Variants in LRRC37A observed in about 807,000 individuals in gnomAD.
The protein encoded by LRRC37A is leucine-rich repeat-containing protein 37A.
A neutral mutation model predicts 35.4 loss-of-function variants in LRRC37A; 3 were observed. The ratio of observed to expected loss-of-function variants is 0.08; its 90% CI spans 0.04 to 0.22. The LOEUF (loss-of-function observed/expected upper bound fraction) is 0.22. LRRC37A is among the 10% of genes least tolerant of loss of function. The pLI, the probability that LRRC37A is intolerant of heterozygous loss-of-function variation, is 1.00. For missense variants in LRRC37A, 67 were observed against 565.3 expected (o/e 0.12, Z 8.94); for synonymous variants, 23 against 215.0 (o/e 0.11, Z 7.81).
At chr17:46,278,146 C>G in the LRRC37A span, among the ~76,000 whole-genome samples, 2 of 152,222 alleles carry the variant, frequency 1.3e-5, no homozygotes, top group East Asian at 3.9e-4. Flanking sequence ...GGGGTTTCAC[C>G]ATGTTGGCCA....
chr17:46,281,993 C>T, the LRRC37A span, among the ~76,000 whole-genome samples: 2 of 152,058 alleles, frequency 1.3e-5, no homozygotes, highest in African/African-American at 2.4e-5. Flanking sequence ...AACCTGCTGC[C>T]TACTTTTCTT....
At chr17:46,267,460 C>T in the LRRC37A span, 1 of 1,612,922 alleles carries the variant, frequency 6.2e-7, no homozygotes. Flanking sequence ...TCTTCCGAGT[C>T]CACATGTTAG....
At chr17:46,278,406 T>A in the LRRC37A span, among the ~76,000 whole-genome samples, 1 of 140,608 alleles carries the variant, frequency 7.1e-6, no homozygotes, top group Non-Finnish European at 1.6e-5. Context: ...ATTTTGTTTT[T>A]TTTTTGTTGT....
At chr17:46,254,666 G>A in the LRRC37A span, among the ~76,000 whole-genome samples, 11 of 149,222 alleles carry the variant, frequency 7.4e-5, no homozygotes, top group African/African-American at 1.5e-4. Flanking sequence ...CTCAGCCTCC[G>A]GAGTAGCTGG....
intron 10 of LRRC37A, among the ~76,000 whole-genome samples, chr17:46,333,096 T>C (rs1344299813): frequency 8.1e-6 from 1 of 123,582 alleles, no homozygotes. Context: ...ACGTATTGTC[T>C]TGTAGACTTA....
the LRRC37A span, chr17:46,268,565 G>T: frequency 1.3e-6 from 2 of 1,521,464 alleles, no homozygotes; most frequent in African/African-American, 1.4e-5. Flanking sequence ...CTACAGCTCT[G>T]CTCCAGGTCC....
chr17:46,284,971 C>T, the LRRC37A span, among the ~76,000 whole-genome samples: 1 of 152,148 alleles, frequency 6.6e-6, no homozygotes. Context: ...TCAAGTGATC[C>T]TCTCACCTCA....
chr17:46,285,798 A>C, the LRRC37A span, among the ~76,000 whole-genome samples: 5 of 152,240 alleles, frequency 3.3e-5, no homozygotes, highest in Non-Finnish European at 5.9e-5. Flanking sequence ...TAAGATTGGA[A>C]ACTTGAAATC....
At chr17:46,281,223 G>A in the LRRC37A span, among the ~76,000 whole-genome samples, 1 of 151,970 alleles carries the variant, frequency 6.6e-6, no homozygotes, top group Non-Finnish European at 1.5e-5. Context: ...CTGACCCCTT[G>A]CTCCCCCCAC....
the LRRC37A span, among the ~76,000 whole-genome samples, chr17:46,258,859 C>T: frequency 2.0e-5 from 3 of 151,072 alleles, no homozygotes; most frequent in African/African-American, 7.3e-5. Flanking sequence ...AGACTACAGG[C>T]GCCTGCCACC....
intron 9 of LRRC37A, 90 bp from the exon 10 acceptor site, chr17:46,332,459 TAAA>T (rs1318003987): frequency 8.0e-6 from 4 of 500,664 alleles, no homozygotes; most frequent in Non-Finnish European, 1.4e-5. Context: ...TTCAAAAAAA[TAAA>T]AAAGAACCTG....
At chr17:46,290,284 CA>C (rs1486887540), upstream of LRRC37A, among the ~76,000 whole-genome samples, 3 of 152,092 alleles carry the variant, frequency 2.0e-5, no homozygotes, top group Non-Finnish European at 4.4e-5. Flanking sequence ...GTGTGCATCA[CA>C]ACACCCAGCA....
chr17:46,333,258 G>T (rs2052120175), intron 10 of LRRC37A, among the ~76,000 whole-genome samples: 1 of 61,938 alleles, frequency 1.6e-5, no homozygotes, highest in Non-Finnish European at 6.9e-5. Flanking sequence ...TAGCCCTCCT[G>T]AGCCTATACC....
chr17:46,255,252 A>AGCC, the LRRC37A span, among the ~76,000 whole-genome samples: 2 of 152,036 alleles, frequency 1.3e-5, no homozygotes, highest in African/African-American at 4.8e-5. Flanking sequence ...TACAAGCATG[A>AGCC]GCCACCTTGC....
upstream of LRRC37A, among the ~76,000 whole-genome samples, chr17:46,290,307 G>C (rs1368243671): frequency 1.3e-5 from 2 of 151,998 alleles, no homozygotes; most frequent in East Asian, 3.9e-4. Context: ...ATTCCTTTTT[G>C]TAGAAACAGG....
the LRRC37A span, among the ~76,000 whole-genome samples, chr17:46,265,295 TTCTTCTTCTTCTTCTTCTTCC>T: frequency 1.1e-5 from 1 of 94,220 alleles, no homozygotes; most frequent in Non-Finnish European, 2.7e-5. Flanking sequence ...CTTCTTCTTC[TTCTTCTTCTTCTTCTTCTTCC>T]TCTTCTTCTT....
chr17:46,280,479 A>G, the LRRC37A span, among the ~76,000 whole-genome samples: 2 of 152,146 alleles, frequency 1.3e-5, no homozygotes, highest in Admixed American at 6.5e-5. Context: ...GTTCAAGACT[A>G]GCTTGGGTCA....
At chr17:46,278,409 T>TG in the LRRC37A span, among the ~76,000 whole-genome samples, 2 of 104,866 alleles carry the variant, frequency 1.9e-5, no homozygotes, top group Non-Finnish European at 5.0e-5. Context: ...TTGTTTTTTT[T>TG]TTGTTGTTGT....
the LRRC37A span, chr17:46,260,624 T>TC: frequency 1.1e-6 from 1 of 918,662 alleles, no homozygotes; most frequent in Non-Finnish European, 1.6e-6. Flanking sequence ...TATTCTCTTT[T>TC]TTTTTTTTTT....
Sources: gnomAD v4.1 joint callset for allele counts (sites outside exome capture counted in the v4.1 genomes callset) on GRCh38, gnomAD v4.1.1 for gene constraint, MANE v1.5 for transcripts, NCBI Gene and HGNC (gene_info 2026-07-23, HGNC 2026-07-21) for gene names.